FRMD6: variants seen among roughly 807,000 people sequenced by gnomAD.
The protein encoded by FRMD6 is FERM domain-containing protein 6.
FRMD6 carries 37 observed loss-of-function variants against 73.2 expected under a neutral mutation model. The observed-to-expected ratio is 0.51, with a 90% CI of 0.39 to 0.66. The LOEUF is 0.66. Ranked by LOEUF, FRMD6 falls within the 30% of genes least tolerant of loss-of-function variation. The probability of loss-of-function intolerance (pLI) is 0.00; values close to 1 mark genes in which losing one functional copy is unlikely to be tolerated. For synonymous variants in FRMD6, 273 were observed against 282.2 expected, an observed-to-expected ratio of 0.97 and a Z score of 0.33; for missense variants, 714 against 780.5, an observed-to-expected ratio of 0.91 and a Z score of 1.02.
At chr14:51,658,338 C>G (rs1892985981) in intron 1 of FRMD6, among the ~76,000 whole-genome samples, 1 of 151,950 alleles carries the variant, frequency 6.6e-6, no homozygotes, top group African/African-American at 2.4e-5. Flanking sequence ...TTCTCTCTCT[C>G]TCTCACTTCT....
intron 1 of FRMD6, among the ~76,000 whole-genome samples, chr14:51,665,844 A>T (rs1566545256): frequency 6.6e-6 from 1 of 152,004 alleles, no homozygotes; most frequent in East Asian, 1.9e-4. Context: ...TAAAAATGGG[A>T]GTTTCCCTGC....
chr14:51,636,755 AGTT>A (rs1447268072), intron 2 of FRMD6, among the ~76,000 whole-genome samples: 1 of 152,018 alleles, frequency 6.6e-6, no homozygotes, highest in Non-Finnish European at 1.5e-5. Context: ...GGGGCCACGG[AGTT>A]GTTGTTTATA....
At chr14:51,412,271 T>G in the FRMD6 span, among the ~76,000 whole-genome samples, 2 of 152,214 alleles carry the variant, frequency 1.3e-5, no homozygotes, top group Non-Finnish European at 2.9e-5. Flanking sequence ...AGTGTGTCTC[T>G]TGGTGAAAGT....
the FRMD6 span, among the ~76,000 whole-genome samples, chr14:51,459,133 A>G: frequency 2.6e-5 from 4 of 152,352 alleles, no homozygotes; most frequent in South Asian, 4.1e-4. Flanking sequence ...CTATTTACCT[A>G]TAACTGAAAT....
At chr14:51,709,332 T>C (rs1243899327) in intron 7 of FRMD6, among the ~76,000 whole-genome samples, 1 of 152,194 alleles carries the variant, frequency 6.6e-6, no homozygotes, top group Non-Finnish European at 1.5e-5. Flanking sequence ...ACTAAAGGAA[T>C]TGTTGGATGA....
chr14:51,597,199 A>C (rs1889765956), intron 2 of FRMD6, among the ~76,000 whole-genome samples: 1 of 152,224 alleles, frequency 6.6e-6, no homozygotes, highest in African/African-American at 2.4e-5. Context: ...TCACACATGC[A>C]TTCTACCATA....
the FRMD6 span, among the ~76,000 whole-genome samples, chr14:51,480,748 A>T: frequency 6.6e-6 from 1 of 152,314 alleles, no homozygotes; most frequent in East Asian, 1.9e-4. Flanking sequence ...TAATAATAGC[A>T]TCTACCTCAC....
the FRMD6 span, among the ~76,000 whole-genome samples, chr14:51,463,156 T>C: frequency 6.6e-6 from 1 of 152,236 alleles, no homozygotes; most frequent in Non-Finnish European, 1.5e-5. Context: ...TTTGCTCTTC[T>C]TGTCATGAAT....
intron 1 of FRMD6, among the ~76,000 whole-genome samples, chr14:51,558,878 CCTTGTT>C (rs1215261589): frequency 6.6e-6 from 1 of 152,120 alleles, no homozygotes; most frequent in African/African-American, 2.4e-5. Context: ...TCAGCCCCAC[CCTTGTT>C]CCCTGATTGT....
At chr14:51,688,204 G>T (rs1454180451) in intron 1 of FRMD6, among the ~76,000 whole-genome samples, 1 of 151,906 alleles carries the variant, frequency 6.6e-6, no homozygotes, top group Non-Finnish European at 1.5e-5. Context: ...TAGTGAGAAC[G>T]ATAGCACAGG....
intron 1 of FRMD6, among the ~76,000 whole-genome samples, chr14:51,524,041 A>C (rs1177776660): frequency 6.6e-6 from 1 of 152,236 alleles, no homozygotes; most frequent in African/African-American, 2.4e-5. Context: ...CCATGCATGC[A>C]GTTTGCTCTT....
chr14:51,697,732 A>G (rs1896040464), intron 2 of FRMD6, among the ~76,000 whole-genome samples: 1 of 152,148 alleles, frequency 6.6e-6, no homozygotes, highest in East Asian at 1.9e-4. Context: ...TATGTTGTAT[A>G]CCATAAATAT....
At chr14:51,724,731 G>GTT (rs35156263) in intron 12 of FRMD6, among the ~76,000 whole-genome samples, 44 of 145,538 alleles carry the variant, frequency 3.0e-4, no homozygotes, top group Non-Finnish European at 3.2e-4. Context: ...AGGGTTTTTT[G>GTT]TTTTTTTTTT....
chr14:51,526,275 C>G (rs1250564843), intron 1 of FRMD6, among the ~76,000 whole-genome samples: 1 of 152,172 alleles, frequency 6.6e-6, no homozygotes, highest in Non-Finnish European at 1.5e-5. Context: ...GATCATGTCT[C>G]CTCACCCTTA....
chr14:51,553,980 T>C (rs1886980917), intron 1 of FRMD6, among the ~76,000 whole-genome samples: 2 of 151,894 alleles, frequency 1.3e-5, no homozygotes, highest in Admixed American at 1.3e-4. Context: ...CATTATCCAA[T>C]AAAAAGAACC....
intron 7 of FRMD6, among the ~76,000 whole-genome samples, chr14:51,708,855 A>G (rs1399703708): frequency 6.6e-6 from 1 of 152,210 alleles, no homozygotes; most frequent in Non-Finnish European, 1.5e-5. Context: ...CCTTCTTGAT[A>G]ACATAGGCTG....
chr14:51,411,668 A>G, the FRMD6 span, among the ~76,000 whole-genome samples: 1 of 152,268 alleles, frequency 6.6e-6, no homozygotes, highest in Non-Finnish European at 1.5e-5. Flanking sequence ...TCTGAAGCCT[A>G]AAGAATATAA....
chr14:51,448,394 A>G, the FRMD6 span, among the ~76,000 whole-genome samples: 1 of 152,204 alleles, frequency 6.6e-6, no homozygotes, highest in Non-Finnish European at 1.5e-5. Context: ...GTCTAATTCC[A>G]TACATTAAAG....
At chr14:51,571,190 A>G (rs1385201147) in intron 2 of FRMD6, among the ~76,000 whole-genome samples, 3 of 152,310 alleles carry the variant, frequency 2.0e-5, no homozygotes, top group East Asian at 3.9e-4. Context: ...CCTGAACAAC[A>G]TCGTGAGACT....
Sources: gnomAD v4.1 joint callset for allele counts (sites outside exome capture counted in the v4.1 genomes callset) on GRCh38, gnomAD v4.1.1 for gene constraint, MANE v1.5 for transcripts, NCBI Gene and HGNC (gene_info 2026-07-23, HGNC 2026-07-21) for gene names.